Variants in MKLN1 observed in about 807,000 individuals in gnomAD.
MKLN1 encodes the protein muskelin.
Under a neutral mutation model 99.0 loss-of-function variants are expected in MKLN1, and 18 were observed. The ratio of observed to expected loss-of-function variants is 0.18; its 90% CI spans 0.13 to 0.27. The LOEUF (loss-of-function observed/expected upper bound fraction) is 0.27, where lower values mean the gene tolerates loss of function less well. Among genes scored for constraint, MKLN1 ranks in the 10% least tolerant of loss-of-function variants. The pLI, the probability that MKLN1 is intolerant of heterozygous loss-of-function variation, is 1.00. For synonymous variants in MKLN1, 288 were observed against 293.2 expected, an observed-to-expected ratio of 0.98 and a Z score of 0.18; for missense variants, 621 against 875.9, an observed-to-expected ratio of 0.71 and a Z score of 3.67.
At chr7:131,312,939 AGGCACTGTCCCCAG>A (rs998264054) in intron 3 of MKLN1, among the ~76,000 whole-genome samples, 1 of 152,206 alleles carries the variant, frequency 6.6e-6, no homozygotes, top group African/African-American at 2.4e-5. Context: ...GATGGGGCCC[AGGCACTGTCCCCAG>A]GGCCACTTGT....
intron 2 of MKLN1, among the ~76,000 whole-genome samples, chr7:131,166,682 A>G (rs903387165): frequency 2.6e-5 from 4 of 151,906 alleles, no homozygotes; most frequent in African/African-American, 9.7e-5. Flanking sequence ...CTCTTATTCA[A>G]ATATGTTTTG....
At chr7:131,313,573 G>A (rs1798609151) in intron 3 of MKLN1, among the ~76,000 whole-genome samples, 1 of 152,202 alleles carries the variant, frequency 6.6e-6, no homozygotes, top group African/African-American at 2.4e-5. Context: ...AGAAAATGCA[G>A]TAGTAACTTT....
chr7:131,237,319 G>A (rs1797338968), intron 3 of MKLN1, among the ~76,000 whole-genome samples: 1 of 152,178 alleles, frequency 6.6e-6, no homozygotes, highest in Non-Finnish European at 1.5e-5. Flanking sequence ...ACAACGTGAA[G>A]TCTCCCAGAA....
intron 1 of MKLN1, among the ~76,000 whole-genome samples, chr7:131,345,449 G>A (rs756884362): frequency 6.6e-6 from 1 of 152,218 alleles, no homozygotes; most frequent in Non-Finnish European, 1.5e-5. Flanking sequence ...TGTAGTAACA[G>A]AAATTCCTTC....
chr7:131,145,212 A>G (rs1795800420), intron 2 of MKLN1, among the ~76,000 whole-genome samples: 1 of 152,180 alleles, frequency 6.6e-6, no homozygotes. Context: ...AATCCTGACA[A>G]AATGTAATAA....
At chr7:131,368,302 GCTGT>G (rs1469056385) in intron 1 of MKLN1, among the ~76,000 whole-genome samples, 1 of 152,118 alleles carries the variant, frequency 6.6e-6, no homozygotes, top group Non-Finnish European at 1.5e-5. Flanking sequence ...TAGTTTCTTT[GCTGT>G]CTTTTTCTAT....
At chr7:131,309,198 G>C (rs1798517536) in intron 3 of MKLN1, among the ~76,000 whole-genome samples, 1 of 152,192 alleles carries the variant, frequency 6.6e-6, no homozygotes, top group South Asian at 2.1e-4. Flanking sequence ...GAGGAGTTCT[G>C]AGGGTCTAAC....
At chr7:131,149,170 CT>C (rs978288974) in intron 2 of MKLN1, among the ~76,000 whole-genome samples, 6 of 152,054 alleles carry the variant, frequency 3.9e-5, no homozygotes, top group African/African-American at 1.4e-4. Flanking sequence ...TTATCTTGGC[CT>C]TTGTGTTTGT....
At chr7:131,404,603 C>A (rs374416207) in intron 6 of MKLN1, among the ~76,000 whole-genome samples, 1 of 151,890 alleles carries the variant, frequency 6.6e-6, no homozygotes, top group Non-Finnish European at 1.5e-5. Context: ...TTCTCTTTTT[C>A]TTTTCTTTTC....
intron 3 of MKLN1, among the ~76,000 whole-genome samples, chr7:131,228,433 A>C (rs1023489648): frequency 1.3e-5 from 2 of 152,196 alleles, no homozygotes; most frequent in African/African-American, 4.8e-5. Flanking sequence ...TTATGTCAAC[A>C]TTTAAAAAAT....
chr7:131,126,293 T>G (rs944783210), intron 1 of MKLN1, among the ~76,000 whole-genome samples: 1 of 152,070 alleles, frequency 6.6e-6, no homozygotes, highest in African/African-American at 2.4e-5. Context: ...GACAATGAAT[T>G]ATGAACTTTT....
At chr7:131,230,116 G>A (rs772146013) in intron 3 of MKLN1, among the ~76,000 whole-genome samples, 2 of 152,192 alleles carry the variant, frequency 1.3e-5, no homozygotes, top group African/African-American at 4.8e-5. Context: ...TGTAGGGTGT[G>A]ACTTAACCCT....
chr7:131,434,957 T>G (rs751933975), intron 9 of MKLN1, among the ~76,000 whole-genome samples: 5 of 152,230 alleles, frequency 3.3e-5, no homozygotes, highest in African/African-American at 7.2e-5. Context: ...TCTTGTTTCA[T>G]ATCTAAACAG....
intron 1 of MKLN1, among the ~76,000 whole-genome samples, chr7:131,375,217 T>C (rs900953143): frequency 9.2e-5 from 14 of 152,226 alleles, no homozygotes. Flanking sequence ...TTGATTTTTC[T>C]CTGTTGTTGA....
intron 2 of MKLN1, among the ~76,000 whole-genome samples, chr7:131,187,143 T>G (rs1796463019): frequency 1.3e-5 from 2 of 152,172 alleles, no homozygotes. Flanking sequence ...ACAAAACAAA[T>G]GAGACATTGC....
intron 1 of MKLN1, among the ~76,000 whole-genome samples, chr7:131,134,979 C>G (rs1274691923): frequency 2.6e-5 from 4 of 152,210 alleles, no homozygotes; most frequent in Non-Finnish European, 4.4e-5. Flanking sequence ...CATCAGACTT[C>G]TCTCTTTTCT....
At position 131,496,236 on chromosome 7, in the gene MKLN1, A is replaced by G. The variant is rs1404122304; in HGVS notation, c.*8508A>G. On this transcript the variant is annotated 3_prime_UTR_variant, in exon 18 of 18. Transcript: ENST00000352689. ...CAGGGCCGTATCCTAAAGTATCCAC[A>G]TGGTCTTAAATGGAAATCATGGGAC... The G allele has an allele frequency of 6.6e-6, 1 of 152,022 alleles. No homozygotes were observed. Among genetic ancestry groups the G allele is most frequent in the African/African-American group, 2.4e-5 (1 of 41,312 alleles). The allele number at this position is 152,022 out of a possible 1,614,324, so 9.4% of individuals were successfully genotyped here.
At chr7:131,192,121 GTATATA>G (rs1226973952) in intron 2 of MKLN1, among the ~76,000 whole-genome samples, 1 of 72,342 alleles carries the variant, frequency 1.4e-5, no homozygotes, top group African/African-American at 6.2e-5. Context: ...ATATATATAC[GTATATA>G]TATAAAAATA....
chr7:131,359,025 C>T (rs1263701763), intron 1 of MKLN1, among the ~76,000 whole-genome samples: 2 of 151,834 alleles, frequency 1.3e-5, no homozygotes, highest in Non-Finnish European at 2.9e-5. Flanking sequence ...GATTTTTGCC[C>T]TAAGATTTAT....
Sources: allele counts gnomAD v4.1 joint callset (sites outside exome capture counted in the v4.1 genomes callset), GRCh38; gene constraint gnomAD v4.1.1; transcripts MANE v1.5; gene names NCBI Gene and HGNC (gene_info 2026-07-23, HGNC 2026-07-21).